The following TERT variants were observed in gnomAD, a reference collection of about 807,000 sequenced individuals.
TERT encodes telomerase reverse transcriptase.
In TERT, 42 loss-of-function variants were observed where a neutral mutation model predicts 104.0. The observed-to-expected ratio is 0.40, with a 90% CI of 0.32 to 0.52. TERT has a LOEUF of 0.52. TERT is among the 20% of genes least tolerant of loss of function. The pLI is 0.43. For synonymous variants in TERT, 781 were observed against 725.6 expected (o/e 1.08, Z -1.23); for missense variants, 1,101 against 1,610.3 (o/e 0.68, Z 5.41).
chr5:1,294,656 A>G lies in TERT; in HGVS notation c.230T>C (p.Leu77Pro), dbSNP rs1751271544. 1 of 1,595,452 alleles carries G rather than the reference A, an allele frequency of 6.3e-7. No homozygotes were observed. Among genetic ancestry groups the G allele is most frequent in the Non-Finnish European group, 8.5e-7 (1 of 1,178,672 alleles). Reference sequence around the variant, plus strand: ...CAGCACTCGGGCCACCAGCTCCTTCAGGCAGGACACCTGCGGGGGAAGCGC... The same window carrying G: ...CAGCACTCGGGCCACCAGCTCCTTCGGGCAGGACACCTGCGGGGGAAGCGC... ...AAPSFRQVSC[L>P]KELVARVLQR... is the part of the protein sequence containing the mutation. The change falls in exon 2 of 16, where the codon CTG becomes CCG. Residue 77 changes from leucine to proline, a missense_variant. Coordinates refer to ENST00000310581, the MANE Select transcript of TERT (RefSeq NM_198253.3).
In TERT at chr5:1,256,142, T is replaced by C. The variant is rs750129809; in HGVS notation, c.3033-731A>G. Among the ~76,000 whole-genome samples the C allele has an allele frequency of 3.9e-5, 6 of 151,986 alleles. No homozygotes were observed. The highest frequency in any genetic ancestry group is 8.8e-5 in the Non-Finnish European group (6 of 67,992). On this transcript the variant is annotated intron_variant, in intron 13 of 15. Coordinates refer to ENST00000310581, the MANE Select transcript of TERT (RefSeq NM_198253.3). The surrounding 1 kb of genome is among the most constrained non-coding windows in gnomAD (Gnocchi z 7.0). ...CCTCCCACTTCAGCCTCCCAAGTAT[T>C]GGAACTACAGGCGCACACCACCATG...
rs1751217170 is a variant in TERT, at chr5:1,294,200, C to T, written c.686G>A (p.Ser229Asn). 2.5e-6 allele frequency: 4 copies of T among 1,581,322 alleles called. No individual in the cohort carries two copies. The highest frequency in any genetic ancestry group is 1.3e-5 in the African/African-American group (1 of 74,400). ...CCTCTTGGGCAACGGCAGACTTCGG[C>T]TGGCACTGCCCCCGCGCCTCCTCGC... The part of the protein sequence containing the change: ...PGARRRGGSA[S>N]RSLPLPKRPR... The change falls in exon 2 of 16, where the codon AGC (serine) becomes AAC (asparagine). Residue 229 changes from serine (S) to asparagine (N), a missense_variant. Coordinates refer to ENST00000310581, the MANE Select transcript of TERT (RefSeq NM_198253.3).
At chr5:1,271,039 G>T (rs1289978044) in intron 8 of TERT, 80 bp downstream of exon 8, 16 of 1,155,300 alleles carry the variant, frequency 1.4e-5, no homozygotes, top group Non-Finnish European at 2.1e-5. Flanking sequence ...AGTGGGGAAG[G>T]GGCAGGAGAG....
chr5:1,255,337 A>G lies in TERT; in HGVS notation c.3107T>C (p.Ile1036Thr). 1 of 1,614,214 alleles carries G rather than the reference A, an allele frequency of 6.2e-7. No individual in the cohort carries two copies. ...GTAGCAGAGGGAGGCCGTGTCAGAG[A>G]TGACGCGCAGGAAAAATGTGGGGTT... ...WKNPTFFLRV[I>T]SDTASLCYSI... The change falls in exon 14 of 16, where the codon ATC becomes ACC. Residue 1036 changes from isoleucine to threonine, a missense_variant. Coordinates refer to ENST00000310581, the MANE Select transcript of TERT (RefSeq NM_198253.3). This position sits in a 1 kb window ranked among gnomAD's most constrained non-coding sequence, Gnocchi z 6.9.
chr5:1,271,467 GC>G (rs1442425906), intron 7 of TERT, among the ~76,000 whole-genome samples: 13 of 152,342 alleles, frequency 8.5e-5, no homozygotes, highest in African/African-American at 2.9e-4. Flanking sequence ...GCCCACCGTG[GC>G]CCGGATGGCA....
At chr5:1,278,584 CACATT>C in intron 6 of TERT, 52 bp downstream of exon 6, 1 of 1,611,278 alleles carries the variant, frequency 6.2e-7, no homozygotes, top group Non-Finnish European at 8.5e-7. Context: ...GCATTCTAGA[CACATT>C]CATATCCCAG....
At chr5:1,281,382 A>G (rs1750011042) in intron 3 of TERT, among the ~76,000 whole-genome samples, 1 of 151,544 alleles carries the variant, frequency 6.6e-6, no homozygotes, top group Non-Finnish European at 1.5e-5. Context: ...GATTTGGGGC[A>G]TGGGGTGTCA....
At chr5:1,282,117 C>A (rs1171146916) in intron 3 of TERT, among the ~76,000 whole-genome samples, 1 of 152,124 alleles carries the variant, frequency 6.6e-6, no homozygotes, top group Non-Finnish European at 1.5e-5. Context: ...GAGAGAGAAT[C>A]AGACCCACAT....
chr5:1,260,247 T>C lies in TERT; in HGVS notation c.2970+227A>G, dbSNP rs1013023051. On this transcript the variant is annotated intron_variant, in intron 12 of 15. Coordinates refer to ENST00000310581, the MANE Select transcript of TERT (RefSeq NM_198253.3). ...AACACACATGCATGTCAGGTGTGCA[T>C]TCGCATGTGCACACACTTGTGCCCT... Among the ~76,000 whole-genome samples the C allele has an allele frequency of 2.0e-5, 3 of 152,228 alleles. No homozygotes were observed. The East Asian group carries it at 5.8e-4, about 29-fold the overall frequency.
At chr5:1,267,281 C>G (rs1380578280) in intron 9 of TERT, among the ~76,000 whole-genome samples, 1 of 152,194 alleles carries the variant, frequency 6.6e-6, no homozygotes, top group South Asian at 2.1e-4. Context: ...GGCTTCCTGA[C>G]GCATCCTTCA....
At chr5:1,264,862 C>T (rs939527065) in intron 10 of TERT, among the ~76,000 whole-genome samples, 5 of 152,212 alleles carry the variant, frequency 3.3e-5, no homozygotes, top group African/African-American at 1.2e-4. Context: ...GGTGCAGCCC[C>T]AGTGGCCTCT....
Position 1,286,237 on chromosome 5 carries a change from G to A in TERT, c.1574-3613C>T, listed in dbSNP as rs535591745. On this transcript the variant is annotated intron_variant, in intron 2 of 15. Transcript: ENST00000310581. The surrounding 1 kb of genome is among the most constrained non-coding windows in gnomAD (Gnocchi z 5.3). ...GCATCATAAGCAGAGGTCCCCGGAC[G>A]TCGCTAGATGCCATGGAGGCCAGCA... is the stretch of plus-strand genomic sequence containing the variant. Among the ~76,000 whole-genome samples the A allele has an allele frequency of 2.0e-5, 3 of 152,250 alleles. No individual in the cohort carries two copies. Among genetic ancestry groups the A allele is most frequent in the East Asian group, 1.9e-4 (1 of 5,180 alleles).
At chr5:1,280,933 G>T (rs1027629128) in intron 3 of TERT, among the ~76,000 whole-genome samples, 1 of 152,248 alleles carries the variant, frequency 6.6e-6, no homozygotes, top group Non-Finnish European at 1.5e-5. Context: ...ATCTGTGGCT[G>T]ACAGCCTGGC....
intron 2 of TERT, among the ~76,000 whole-genome samples, chr5:1,290,764 C>G (rs367926678): frequency 0.094 from 170 of 1,806 alleles, no homozygotes; most frequent in Non-Finnish European, 0.11. Flanking sequence ...ACCCGGGGAC[C>G]GCGCCTCACT....
intron 6 of TERT, among the ~76,000 whole-genome samples, chr5:1,277,999 G>C (rs867077903): frequency 6.6e-6 from 1 of 151,296 alleles, no homozygotes; most frequent in Non-Finnish European, 1.5e-5. Context: ...AGTGTGTCCC[G>C]GGGAGCGAGG....
chr5:1,272,053 G>T, intron 7 of TERT, 132 bp downstream of exon 7: 1 of 809,120 alleles, frequency 1.2e-6, no homozygotes, highest in East Asian at 2.7e-5. Flanking sequence ...AGCTCATCAT[G>T]CCCCCATCAC....
At chr5:1,272,639 C>G in intron 6 of TERT, among the ~76,000 whole-genome samples, 2 of 61,838 alleles carry the variant, frequency 3.2e-5, no homozygotes, top group African/African-American at 1.1e-4. Context: ...CATCCACAGT[C>G]ACCACACATC....
Position 1,265,041 on chromosome 5 carries a change from C to G in TERT, c.2655-449G>C, listed in dbSNP as rs1748493203. 6.6e-6 allele frequency among the ~76,000 whole-genome samples: 1 copy of G among 152,382 alleles called. No homozygotes were observed. The highest frequency in any genetic ancestry group is 1.5e-5 in the Non-Finnish European group (1 of 68,046). The stretch of plus-strand genomic sequence containing the variant: ...TTTCTCCTAGATGCCCTGAAGGCAT[C>G]TGCTGTGCTTTAGACAAAGGGGAGG... On this transcript the variant is annotated intron_variant, in intron 10 of 15. Transcript: ENST00000310581. The surrounding 1 kb of genome is among the most constrained non-coding windows in gnomAD (Gnocchi z 6.9).
In TERT at chr5:1,283,536, C is replaced by T. The variant is rs1366240800; in HGVS notation, c.1574-912G>A. ...CTAACCGCAGGGCCTGGCGACCTCA[C>T]CCCGGACCTGCACCATCCGGACACC... is the stretch of plus-strand genomic sequence containing the variant. On this transcript the variant is annotated intron_variant, in intron 2 of 15. Transcript: ENST00000310581. Among the ~76,000 whole-genome samples the T allele has an allele frequency of 2.0e-5, 3 of 150,924 alleles. No individual in the cohort carries two copies. The East Asian group carries it at 5.9e-4, about 30-fold the overall frequency.
Sources: allele counts gnomAD v4.1 joint callset (sites outside exome capture counted in the v4.1 genomes callset), GRCh38; gene constraint gnomAD v4.1.1; non-coding constraint Gnocchi (gnomAD v3.1); transcripts MANE v1.5; gene names NCBI Gene and HGNC (gene_info 2026-07-23, HGNC 2026-07-21).